The following ABCC1 variants were observed in gnomAD, a reference collection of about 807,000 sequenced individuals.
The protein encoded by ABCC1 is multidrug resistance-associated protein 1.
A neutral mutation model predicts 172.9 loss-of-function variants in ABCC1; 83 were observed. That is an observed-to-expected ratio of 0.48 (90% confidence interval 0.40 to 0.58). ABCC1 has a LOEUF of 0.58. ABCC1 is among the 20% of genes least tolerant of loss of function. The pLI, the probability that ABCC1 is intolerant of heterozygous loss-of-function variation, is 0.00. For synonymous variants in ABCC1, 937 were observed against 825.2 expected (o/e 1.14, Z -2.32); for missense variants, 1,817 against 2,002.7 (o/e 0.91, Z 1.77).
intron 1 of ABCC1, among the ~76,000 whole-genome samples, chr16:15,950,365 T>A (rs931802571): frequency 6.6e-6 from 1 of 151,876 alleles, no homozygotes; most frequent in Non-Finnish European, 1.5e-5. Flanking sequence ...ACTTAGATAC[T>A]GCGGGGGAAG....
chr16:15,973,358 G>C (rs1473196621), intron 1 of ABCC1, among the ~76,000 whole-genome samples: 1 of 152,154 alleles, frequency 6.6e-6, no homozygotes, highest in Non-Finnish European at 1.5e-5. Flanking sequence ...CTGTCACGAT[G>C]GGGCAGGGAG....
At chr16:15,987,370 C>T (rs967471613) in intron 1 of ABCC1, among the ~76,000 whole-genome samples, 1 of 152,142 alleles carries the variant, frequency 6.6e-6, no homozygotes, top group South Asian at 2.1e-4. Flanking sequence ...GAGCTGAAGC[C>T]CCATCTGCCT....
chr16:16,034,726 T>G (rs756567340), intron 6 of ABCC1, among the ~76,000 whole-genome samples: 8 of 151,894 alleles, frequency 5.3e-5, no homozygotes. Flanking sequence ...TAGCTGGGAT[T>G]ACAGGGACCT....
chr16:15,949,298 G>GTTATTTTCCCCTGGT (rs1425122981), upstream of ABCC1, among the ~76,000 whole-genome samples: 2 of 152,016 alleles, frequency 1.3e-5, no homozygotes, highest in Non-Finnish European at 2.9e-5. Context: ...CCCTGGTGAC[G>GTTATTTTCCCCTGGT]GATACTGTCC....
chr16:16,138,403 G>T lies in ABCC1; in HGVS notation c.4332G>T (p.Leu1444=). The change falls in exon 30 of 31, where the codon CTG becomes CTT. Residue 1444 remains leucine, a synonymous_variant. Transcript: ENST00000399410. The part of the protein sequence containing the change: ...QRQLVCLARA[L]LRKTKILVLD... ...AGCTTGTGTGCCTAGCCCGGGCCCT[G>T]CTGAGGAAGACGAAGATCCTTGTGT... is the stretch of plus-strand genomic sequence containing the variant. The T allele has an allele frequency of 1.9e-6, 3 of 1,606,338 alleles. No homozygotes were observed. The highest frequency in any genetic ancestry group is 2.6e-6 in the Non-Finnish European group (3 of 1,173,622).
At chr16:16,078,743 C>G (rs2050688644) in intron 15 of ABCC1, among the ~76,000 whole-genome samples, 1 of 152,204 alleles carries the variant, frequency 6.6e-6, no homozygotes, top group African/African-American at 2.4e-5. Context: ...GTGGCACGAT[C>G]TCAGCTCACT....
intron 12 of ABCC1, among the ~76,000 whole-genome samples, chr16:16,062,957 T>G (rs148554867): frequency 6.6e-6 from 1 of 152,306 alleles, no homozygotes; most frequent in East Asian, 1.9e-4. Flanking sequence ...TTTGTGAGCT[T>G]CTTGCCTTCT....
At chr16:16,011,612 G>T (rs1213106031) in intron 3 of ABCC1, among the ~76,000 whole-genome samples, 1 of 151,988 alleles carries the variant, frequency 6.6e-6, no homozygotes, top group East Asian at 1.9e-4. Flanking sequence ...CTCCCAAGTA[G>T]CTGGGAGTGT....
intron 1 of ABCC1, among the ~76,000 whole-genome samples, chr16:16,005,420 T>A (rs1567304581): frequency 6.6e-6 from 1 of 151,578 alleles, no homozygotes; most frequent in Non-Finnish European, 1.5e-5. Context: ...TGATATTGGC[T>A]CACTGCAACC....
chr16:16,081,983 A>T (rs2050821422), intron 16 of ABCC1, among the ~76,000 whole-genome samples: 1 of 152,128 alleles, frequency 6.6e-6, no homozygotes, highest in Non-Finnish European at 1.5e-5. Context: ...TTGACACTGT[A>T]TTCCAGCCTG....
At chr16:16,048,022 G>A in intron 9 of ABCC1, 120 bp from the exon 10 acceptor site, 2 of 1,273,480 alleles carry the variant, frequency 1.6e-6, no homozygotes, top group Non-Finnish European at 2.2e-6. Flanking sequence ...GGGAGGGGAG[G>A]AGGAGAGATC....
In ABCC1 at chr16:16,052,099, T is replaced by C. The variant is rs2049454413; in HGVS notation, c.1381-625T>C. Among the ~76,000 whole-genome samples, 3 of 152,122 alleles carry C rather than the reference T, an allele frequency of 2.0e-5. No individual in the cohort carries two copies. The South Asian group carries it at 6.2e-4, about 32-fold the overall frequency. On this transcript the variant is annotated intron_variant, in intron 10 of 30. Transcript: ENST00000399410. ...TCAAAAAAATAGCTGGGCATGGTGG[T>C]GTGAGTGTAGTCACAGCTACTTGGG...
intron 7 of ABCC1, among the ~76,000 whole-genome samples, chr16:16,040,060 T>TGTATGTATGTA (rs1555487628): frequency 3.0e-5 from 4 of 131,398 alleles, no homozygotes; most frequent in Non-Finnish European, 4.8e-5. Context: ...GTTTGTTTGT[T>TGTATGTATGTA]TGTTTGTATG....
At chr16:16,115,447 C>G (rs1024569053) in intron 23 of ABCC1, among the ~76,000 whole-genome samples, 43 of 152,060 alleles carry the variant, frequency 2.8e-4, no homozygotes, top group African/African-American at 1.0e-3. Flanking sequence ...CTCCACCTCC[C>G]AGTTCAAGTG....
chr16:16,009,668 T>G, intron 2 of ABCC1, 108 bp from the exon 3 acceptor site: 1 of 1,230,126 alleles, frequency 8.1e-7, no homozygotes, highest in Non-Finnish European at 1.1e-6. Flanking sequence ...TGGCTGATCA[T>G]TTGAAGGCTG....
chr16:16,093,165 C>T (rs1413412507), intron 19 of ABCC1, among the ~76,000 whole-genome samples: 6 of 151,812 alleles, frequency 4.0e-5, no homozygotes, highest in Admixed American at 3.9e-4. Context: ...GTCTATCTCT[C>T]AGCCCGAGCA....
intron 7 of ABCC1, among the ~76,000 whole-genome samples, chr16:16,042,002 T>C (rs1043477716): frequency 2.6e-5 from 4 of 151,896 alleles, no homozygotes; most frequent in African/African-American, 4.8e-5. Flanking sequence ...GGCTGAAGCA[T>C]GAGAATTGCT....
At chr16:16,087,792 T>TG (rs146677726) in intron 18 of ABCC1, among the ~76,000 whole-genome samples, 4,922 of 152,122 alleles carry the variant, frequency 0.032, 258 homozygotes, top group African/African-American at 0.11. Flanking sequence ...CACATCCCCA[T>TG]GGGGGGCATA....
At chr16:15,998,987 A>G (rs1195966112) in intron 1 of ABCC1, among the ~76,000 whole-genome samples, 1 of 151,934 alleles carries the variant, frequency 6.6e-6, no homozygotes, top group Non-Finnish European at 1.5e-5. Flanking sequence ...CTGACTTTTA[A>G]AAAAATTAAA....
Sources: allele counts gnomAD v4.1 joint callset (sites outside exome capture counted in the v4.1 genomes callset), GRCh38; gene constraint gnomAD v4.1.1; transcripts MANE v1.5; gene names NCBI Gene and HGNC (gene_info 2026-07-23, HGNC 2026-07-21).